Variants in USH2A observed in about 807,000 individuals in gnomAD.
The protein encoded by USH2A is usherin.
USH2A carries 443 observed loss-of-function variants against 538.9 expected under a neutral mutation model. The observed-to-expected ratio is 0.82, with a 90% CI of 0.76 to 0.89. USH2A has a LOEUF of 0.89. USH2A is among the 40% of genes least tolerant of loss of function. USH2A has a pLI of 0.00. For missense variants in USH2A, 6,633 were observed against 6,324.8 expected (o/e 1.05, Z -1.65); for synonymous variants, 2,413 against 2,273.5 (o/e 1.06, Z -1.75).
Position 216,207,345 on chromosome 1 carries a change from C to T in USH2A, c.3244G>A (p.Ala1082Thr), listed in dbSNP as rs774332096. The T allele has an allele frequency of 6.2e-7, 1 of 1,614,030 alleles. No individual in the cohort carries two copies. The highest frequency in any genetic ancestry group is 8.5e-7 in the Non-Finnish European group (1 of 1,179,956). ...LSWSPPDSPN[A>T]HWLTYSLLRD... ...AGTAAACTGTAAGTAAGCCAGTGGG[C>T]ATTTGGAGAATCAGGTGGACTCCAG... The change falls in exon 16 of 72, where the codon GCC becomes ACC. Residue 1082 changes from alanine (A) to threonine (T), a missense_variant. Transcript: ENST00000307340.
intron 12 of USH2A, among the ~76,000 whole-genome samples, chr1:216,247,777 C>T (rs192666442): frequency 9.9e-5 from 15 of 152,088 alleles, no homozygotes; most frequent in African/African-American, 3.6e-4. Context: ...AATGTTCTCA[C>T]CCCAAAAACA....
rs572780291 is a variant in USH2A at position 216,100,695 on chromosome 1, A to G, written c.4628-3482T>C. Among the ~76,000 whole-genome samples the G allele has an allele frequency of 3.3e-5, 5 of 152,306 alleles. No individual in the cohort carries two copies. The South Asian group carries it at 1.0e-3, about 32-fold the overall frequency. On this transcript the variant is annotated intron_variant, in intron 21 of 71. Transcript: ENST00000307340. ...AGGAATTGGGTGTTGGAAGATATCA[A>G]TAATTGCTCAATCTGGGAAGACAAC...
chr1:216,065,636 C>A (rs1419148516), intron 30 of USH2A, among the ~76,000 whole-genome samples: 1 of 152,214 alleles, frequency 6.6e-6, no homozygotes, highest in African/African-American at 2.4e-5. Flanking sequence ...GTGGCTCATG[C>A]CTGTAATCCC....
chr1:216,298,030 C>T (rs2037140336), intron 9 of USH2A, among the ~76,000 whole-genome samples: 1 of 152,180 alleles, frequency 6.6e-6, no homozygotes, highest in Non-Finnish European at 1.5e-5. Flanking sequence ...AAACCCTATT[C>T]CATCGTAAAA....
At chr1:216,018,685 C>T (rs1022857474) in intron 32 of USH2A, among the ~76,000 whole-genome samples, 5 of 152,158 alleles carry the variant, frequency 3.3e-5, no homozygotes. Context: ...TGCCAATTTT[C>T]ATTCACAGCA....
chr1:216,102,650 A>G (rs2032615969), intron 21 of USH2A, among the ~76,000 whole-genome samples: 2 of 152,028 alleles, frequency 1.3e-5, no homozygotes, highest in Non-Finnish European at 2.9e-5. Context: ...GTACAAAAAA[A>G]TTAGCCGGGC....
intron 3 of USH2A, among the ~76,000 whole-genome samples, chr1:216,369,437 T>A (rs2038660535): frequency 6.6e-6 from 1 of 152,138 alleles, no homozygotes; most frequent in Non-Finnish European, 1.5e-5. Context: ...ATCTAACTGG[T>A]AAAGTCTCCT....
At chr1:215,679,414 A>T (rs540494768) in intron 62 of USH2A, among the ~76,000 whole-genome samples, 1 of 152,156 alleles carries the variant, frequency 6.6e-6, no homozygotes, top group African/African-American at 2.4e-5. Flanking sequence ...TGAGGGCCTA[A>T]GAGATGGACC....
At chr1:216,325,801 C>A (rs1209339666) in intron 5 of USH2A, among the ~76,000 whole-genome samples, 2 of 151,888 alleles carry the variant, frequency 1.3e-5, no homozygotes, top group Non-Finnish European at 2.9e-5. Context: ...ATATCAAAAC[C>A]CACACATTTT....
intron 3 of USH2A, among the ~76,000 whole-genome samples, chr1:216,414,219 T>C (rs1054258979): frequency 6.6e-6 from 1 of 152,066 alleles, no homozygotes; most frequent in East Asian, 1.9e-4. Context: ...AATGACACAA[T>C]GAATTTTAGC....
intron 14 of USH2A, among the ~76,000 whole-genome samples, chr1:216,218,053 T>C (rs187809084): frequency 6.6e-6 from 1 of 152,240 alleles, no homozygotes; most frequent in Admixed American, 6.5e-5. Flanking sequence ...GAAGACTAAA[T>C]TTCACTAAGA....
intron 3 of USH2A, among the ~76,000 whole-genome samples, chr1:216,403,682 G>C (rs1288223718): frequency 6.6e-6 from 1 of 152,092 alleles, no homozygotes; most frequent in Non-Finnish European, 1.5e-5. Context: ...TCACCAAAAA[G>C]AAAATGAAAC....
chr1:216,399,698 C>T (rs561324196), intron 3 of USH2A, among the ~76,000 whole-genome samples: 89 of 152,156 alleles, frequency 5.8e-4, no homozygotes, highest in East Asian at 2.5e-3. Context: ...TTTTCCCTTC[C>T]GTGGCTCAGT....
intron 32 of USH2A, among the ~76,000 whole-genome samples, chr1:216,022,976 T>C (rs1668874996): frequency 6.6e-6 from 1 of 152,066 alleles, no homozygotes. Flanking sequence ...AGCCAATTGG[T>C]GTCCAGCTTG....
chr1:215,888,878 G>A lies in USH2A; in HGVS notation c.7771C>T (p.His2591Tyr), dbSNP rs758792302. ...TGAAACTTATAGGCAGTGTATGGGT[G>A]TAAATGCATCACTGTGCAATTAGTG... ...NVTNCTVMHLHPYTAYKFQVE... is the reference protein window; with the variant it reads ...NVTNCTVMHLYPYTAYKFQVE... The change falls in exon 41 of 72, where the codon CAC (histidine) becomes TAC (tyrosine). Residue 2591 changes from histidine to tyrosine, a missense_variant. His to Tyr is a moderately conservative substitution (Grantham distance 83). Transcript: ENST00000307340. The A allele has an allele frequency of 2.5e-6, 4 of 1,614,038 alleles. No homozygotes were observed. The highest frequency in any genetic ancestry group is 1.1e-5 in the South Asian group (1 of 91,084).
rs542795936 is a variant in USH2A at position 215,826,625 on chromosome 1, G to A, written c.9372-9430C>T. ...TTGATCATGAATCTTAATTATCAAA[G>A]TGAGACTCATAACTAAAAATAATTG... is the stretch of plus-strand genomic sequence containing the variant. On this transcript the variant is annotated intron_variant, in intron 47 of 71. Coordinates refer to ENST00000307340, the MANE Select transcript of USH2A (RefSeq NM_206933.4). Among the ~76,000 whole-genome samples the A allele has an allele frequency of 1.6e-4, 24 of 152,288 alleles. No homozygotes were observed. In the South Asian group the frequency reaches 2.9e-3, roughly 18 times the overall value.
intron 35 of USH2A, among the ~76,000 whole-genome samples, chr1:215,983,427 T>C (rs1667798513): frequency 6.6e-6 from 1 of 152,214 alleles, no homozygotes; most frequent in African/African-American, 2.4e-5. Context: ...AAATTAAATA[T>C]GATGGGTTTA....
chr1:216,163,871 A>G (rs927737837), intron 21 of USH2A, among the ~76,000 whole-genome samples: 2 of 151,974 alleles, frequency 1.3e-5, no homozygotes, highest in Non-Finnish European at 2.9e-5. Context: ...GCTCACCTAC[A>G]TGGTTTTTCT....
At chr1:215,904,720 A>G (rs1189786029) in intron 38 of USH2A, among the ~76,000 whole-genome samples, 1 of 152,030 alleles carries the variant, frequency 6.6e-6, no homozygotes, top group Non-Finnish European at 1.5e-5. Flanking sequence ...TCCTGAATCA[A>G]CACATCTTGT....
Sources: gnomAD v4.1 joint callset for allele counts (sites outside exome capture counted in the v4.1 genomes callset) on GRCh38, gnomAD v4.1.1 for gene constraint, MANE v1.5 for transcripts, NCBI Gene and HGNC (gene_info 2026-07-23, HGNC 2026-07-21) for gene names.